Variants in DPYD observed in about 807,000 individuals in gnomAD.
DPYD encodes dihydropyrimidine dehydrogenase.
In DPYD, 109 loss-of-function variants were observed where a neutral mutation model predicts 116.2. The observed-to-expected ratio is 0.94, with a 90% CI of 0.80 to 1.10. DPYD has a LOEUF of 1.10. DPYD is among the 50% of genes least tolerant of loss of function. DPYD has a pLI of 0.00. For synonymous variants in DPYD, 440 were observed against 432.0 expected (o/e 1.02, Z -0.23); for missense variants, 1,302 against 1,254.5 (o/e 1.04, Z -0.57).
At chr1:97,635,312 G>A (rs1657499180) in intron 8 of DPYD, among the ~76,000 whole-genome samples, 1 of 152,064 alleles carries the variant, frequency 6.6e-6, no homozygotes, top group Non-Finnish European at 1.5e-5. Context: ...TGTTTCCAGG[G>A]CCTTTGTGAG....
At chr1:97,275,251 TC>T (rs1664861287) in intron 18 of DPYD, among the ~76,000 whole-genome samples, 2 of 152,148 alleles carry the variant, frequency 1.3e-5, no homozygotes, top group Admixed American at 1.3e-4. Context: ...TATTCTTTCT[TC>T]AAGTTTTAGT....
intron 5 of DPYD, among the ~76,000 whole-genome samples, chr1:97,708,711 T>G (rs1444403584): frequency 6.6e-6 from 1 of 152,070 alleles, no homozygotes. Context: ...GTACTGAATC[T>G]ATAGATCTAA....
intron 6 of DPYD, among the ~76,000 whole-genome samples, chr1:97,694,178 A>AATCC (rs2100958052): frequency 6.6e-6 from 1 of 152,320 alleles, no homozygotes; most frequent in East Asian, 1.9e-4. Flanking sequence ...AGTGTGAGAG[A>AATCC]ATCCATTTCC....
chr1:97,253,715 T>C (rs1361061793), intron 18 of DPYD, among the ~76,000 whole-genome samples: 1 of 152,172 alleles, frequency 6.6e-6, no homozygotes, highest in African/African-American at 2.4e-5. Flanking sequence ...GTAAATTGGA[T>C]GAGAAGTATA....
intron 2 of DPYD, among the ~76,000 whole-genome samples, chr1:97,849,800 T>C (rs1160105330): frequency 1.3e-5 from 2 of 152,244 alleles, no homozygotes; most frequent in African/African-American, 4.8e-5. Flanking sequence ...ATTTTATTTC[T>C]ACAAAATTAC....
At chr1:97,323,340 A>G (rs12402806) in intron 16 of DPYD, among the ~76,000 whole-genome samples, 8,999 of 84,110 alleles carry the variant, frequency 0.11, 1,753 homozygotes, top group African/African-American at 0.15. Flanking sequence ...GTACACGTAT[A>G]TATACATGTG....
chr1:97,334,689 C>G (rs1228030741), intron 16 of DPYD, among the ~76,000 whole-genome samples: 6 of 152,172 alleles, frequency 3.9e-5, no homozygotes, highest in African/African-American at 1.4e-4. Context: ...TGAATAGCAG[C>G]TGTATGACTG....
At chr1:97,558,246 T>C (rs2786535) in intron 11 of DPYD, among the ~76,000 whole-genome samples, 3,855 of 152,246 alleles carry the variant, frequency 0.025, 164 homozygotes, top group African/African-American at 0.087. Context: ...GTATTTGTTT[T>C]ACCTCTACTA....
intron 8 of DPYD, among the ~76,000 whole-genome samples, chr1:97,643,944 G>A (rs1658089313): frequency 6.6e-6 from 1 of 152,030 alleles, no homozygotes; most frequent in Non-Finnish European, 1.5e-5. Context: ...GGGTTGGGGG[G>A]CTAGGGGAGG....
At chr1:97,705,211 C>T (rs947689738) in intron 5 of DPYD, among the ~76,000 whole-genome samples, 1 of 151,876 alleles carries the variant, frequency 6.6e-6, no homozygotes, top group African/African-American at 2.4e-5. Context: ...ATACATGTGC[C>T]ATGTTGGTGT....
intron 18 of DPYD, among the ~76,000 whole-genome samples, chr1:97,293,578 T>A (rs1410984305): frequency 2.0e-5 from 3 of 152,178 alleles, no homozygotes; most frequent in Non-Finnish European, 4.4e-5. Context: ...TGGCCTATAT[T>A]CTATTAGCTA....
At chr1:97,910,448 G>A (rs2101705704) in intron 1 of DPYD, among the ~76,000 whole-genome samples, 1 of 152,162 alleles carries the variant, frequency 6.6e-6, no homozygotes, top group Middle Eastern at 3.4e-3. Context: ...AATATTAATT[G>A]CATACTTGCC....
At chr1:97,482,440 A>G (rs1678374822) in intron 13 of DPYD, among the ~76,000 whole-genome samples, 1 of 152,200 alleles carries the variant, frequency 6.6e-6, no homozygotes, top group South Asian at 2.1e-4. Context: ...AGAATGAAGA[A>G]CTTGAAGGAA....
chr1:97,359,592 C>G (rs992734039), intron 16 of DPYD, among the ~76,000 whole-genome samples: 3 of 152,174 alleles, frequency 2.0e-5, no homozygotes, highest in African/African-American at 7.2e-5. Context: ...AGAAGTCTAT[C>G]AGACTAACAG....
intron 19 of DPYD, 24 bp from the exon 20 acceptor site, chr1:97,193,272 C>T (rs1313742166): frequency 6.2e-7 from 1 of 1,608,714 alleles, no homozygotes. Flanking sequence ...AGCAGTCAAC[C>T]AAGTGTCAAA....
intron 8 of DPYD, among the ~76,000 whole-genome samples, chr1:97,625,683 G>A (rs1382182668): frequency 6.6e-6 from 1 of 151,912 alleles, no homozygotes; most frequent in African/African-American, 2.4e-5. Flanking sequence ...ACACAGGGAG[G>A]AGATGGTCAT....
intron 8 of DPYD, among the ~76,000 whole-genome samples, chr1:97,606,063 T>C (rs1655576034): frequency 6.6e-6 from 1 of 152,080 alleles, no homozygotes; most frequent in Non-Finnish European, 1.5e-5. Context: ...GAAATTTTTG[T>C]TGCATAAAAT....
intron 15 of DPYD, among the ~76,000 whole-genome samples, chr1:97,375,160 C>G (rs1430307938): frequency 6.6e-6 from 1 of 151,946 alleles, no homozygotes; most frequent in Non-Finnish European, 1.5e-5. Context: ...TTCGGTAAGG[C>G]CAACTAGAAG....
rs192595219 is a variant in DPYD at position 97,501,733 on chromosome 1, T to C, written c.1740+13993A>G. ...ATCTTACTCATGTTAATAGCAGTTG[T>C]AGACACAAATCCTACAAACACTGAT... On this transcript the variant is annotated intron_variant, in intron 13 of 22. Transcript: ENST00000370192. 1.6e-4 allele frequency among the ~76,000 whole-genome samples: 25 copies of C among 152,126 alleles called. 1 individual carries two copies. The East Asian group carries it at 4.9e-3, about 30-fold the overall frequency.
Sources: allele counts gnomAD v4.1 joint callset (sites outside exome capture counted in the v4.1 genomes callset), GRCh38; gene constraint gnomAD v4.1.1; transcripts MANE v1.5; gene names NCBI Gene and HGNC (gene_info 2026-07-23, HGNC 2026-07-21).